Variants in RNF130 observed in about 807,000 individuals in gnomAD.
RNF130 encodes the protein ring finger protein 130.
Under a neutral mutation model 44.6 loss-of-function variants are expected in RNF130, and 21 were observed. That is an observed-to-expected ratio of 0.47 (90% confidence interval 0.33 to 0.68). The LOEUF is 0.68. Among genes scored for constraint, RNF130 ranks in the 30% least tolerant of loss-of-function variants. RNF130 has a pLI of 0.02. For missense variants in RNF130, 479 were observed against 560.6 expected (o/e 0.85, Z 1.47); for synonymous variants, 214 against 210.4 (o/e 1.02, Z -0.15).
At chr5:179,995,528 CCA>C (rs1236659241) in intron 3 of RNF130, among the ~76,000 whole-genome samples, 4 of 152,174 alleles carry the variant, frequency 2.6e-5, no homozygotes, top group Non-Finnish European at 5.9e-5. Context: ...CACAGGATTC[CCA>C]CACAGTTTGC....
chr5:180,060,676 A>T (rs1582230794), intron 1 of RNF130, among the ~76,000 whole-genome samples: 1 of 152,212 alleles, frequency 6.6e-6, no homozygotes, highest in South Asian at 2.1e-4. Context: ...AGTTCTGTGT[A>T]TCTCTACATA....
rs937017881 is a variant in RNF130, at chr5:180,013,260, A to T, written c.494T>A (p.Ile165Asn). ...VMITELRGKD[I>N]LSYLEKNISV... ...GATGTTTTTCTCCAGATAACTCAAA[A>T]TATCCTTACCCCTCAATTCTGTTAT... The change falls in exon 3 of 9, where the codon ATT (isoleucine) becomes AAT (asparagine). Residue 165 changes from isoleucine (I) to asparagine (N), a missense_variant. By Grantham distance (149) the Ile-to-Asn change is moderately radical (BLOSUM62 -3). Coordinates refer to ENST00000521389, the MANE Select transcript of RNF130 (RefSeq NM_018434.6). 4 of 1,614,096 alleles carry T rather than the reference A, an allele frequency of 2.5e-6. No homozygotes were observed.
intron 1 of RNF130, among the ~76,000 whole-genome samples, chr5:180,042,194 C>G (rs938420713): frequency 5.3e-5 from 8 of 152,132 alleles, no homozygotes; most frequent in African/African-American, 1.9e-4. Context: ...GTAAAGATGC[C>G]AGTAACTTCA....
At chr5:179,920,791 A>ATTT (rs1385471717) in intron 7 of RNF130, among the ~76,000 whole-genome samples, 2 of 134,900 alleles carry the variant, frequency 1.5e-5, no homozygotes, top group African/African-American at 7.1e-5. Context: ...ATATATATAT[A>ATTT]TATATTTTTT....
intron 1 of RNF130, among the ~76,000 whole-genome samples, chr5:180,055,248 C>CAAAAAAAAAAAAAAAAAAAAAAAA (rs1205914690): frequency 9.5e-5 from 2 of 20,990 alleles, no homozygotes; most frequent in East Asian, 1.2e-3. Flanking sequence ...GGTTCTGTCT[C>CAAAAAAAAAAAAAAAAAAAAAAAA]AAAAAAAAAA....
At chr5:179,964,460 A>C (rs1460577801) in intron 7 of RNF130, 2 of 152,252 alleles carry the variant, frequency 1.3e-5, no homozygotes, top group South Asian at 2.1e-4. Context: ...TATTTCTTTG[A>C]GTACACACTG....
intron 3 of RNF130, among the ~76,000 whole-genome samples, chr5:179,996,676 T>C (rs1250015161): frequency 3.9e-5 from 6 of 152,258 alleles, no homozygotes; most frequent in African/African-American, 9.6e-5. Flanking sequence ...TTTTTCATCA[T>C]GAATGCTCTT....
intron 3 of RNF130, among the ~76,000 whole-genome samples, chr5:180,002,204 G>A (rs1235469224): frequency 6.6e-6 from 1 of 152,224 alleles, no homozygotes; most frequent in African/African-American, 2.4e-5. Context: ...TGATTGCTCT[G>A]AGTGTTCAAG....
At chr5:179,931,985 G>A (rs1411756396) in intron 7 of RNF130, among the ~76,000 whole-genome samples, 1 of 152,112 alleles carries the variant, frequency 6.6e-6, no homozygotes, top group Non-Finnish European at 1.5e-5. Context: ...CAAGACAATA[G>A]GGGTCTGCTG....
At chr5:179,942,460 A>G (rs1339969021) in intron 7 of RNF130, among the ~76,000 whole-genome samples, 7 of 152,184 alleles carry the variant, frequency 4.6e-5, no homozygotes, top group Admixed American at 2.6e-4. Flanking sequence ...CTATAGTATT[A>G]TATGTTCTTA....
chr5:179,968,338 G>A (rs1200448159), intron 6 of RNF130, among the ~76,000 whole-genome samples: 1 of 150,380 alleles, frequency 6.6e-6, no homozygotes, highest in Non-Finnish European at 1.5e-5. Flanking sequence ...GCGGCTAGCG[G>A]TAACAACAGA....
At chr5:179,913,753 G>T (rs1404887658) in exon 8 of RNF130, 1 of 152,228 alleles carries the variant, frequency 6.6e-6, no homozygotes, top group Non-Finnish European at 1.5e-5. Context: ...GCTACAGGGG[G>T]CCTCCTGACC....
chr5:180,060,542 C>G (rs1466914891), intron 1 of RNF130, among the ~76,000 whole-genome samples: 1 of 152,184 alleles, frequency 6.6e-6, no homozygotes, highest in African/African-American at 2.4e-5. Flanking sequence ...GCCCAGCAGC[C>G]TAGATTTTTA....
chr5:179,934,628 C>T (rs969014628), intron 7 of RNF130, among the ~76,000 whole-genome samples: 3 of 149,628 alleles, frequency 2.0e-5, no homozygotes, highest in South Asian at 2.1e-4. Context: ...TGGCTCACTG[C>T]GAACTTATGG....
intron 7 of RNF130, among the ~76,000 whole-genome samples, chr5:179,934,692 G>A (rs777158893): frequency 3.3e-5 from 5 of 151,664 alleles, no homozygotes; most frequent in East Asian, 3.9e-4. Context: ...ACAGGTGTGC[G>A]CCACCACATC....
intron 7 of RNF130, among the ~76,000 whole-genome samples, chr5:179,930,475 G>A (rs903855058): frequency 3.3e-5 from 5 of 152,082 alleles, no homozygotes; most frequent in South Asian, 2.1e-4. Flanking sequence ...ACATGTAATC[G>A]TTTTCTCTGT....
At chr5:179,992,434 G>A (rs961437435) in intron 3 of RNF130, among the ~76,000 whole-genome samples, 1 of 152,212 alleles carries the variant, frequency 6.6e-6, no homozygotes, top group Non-Finnish European at 1.5e-5. Context: ...GAGCCACCAC[G>A]CCCGGCCCTA....
Position 180,071,448 on chromosome 5 carries a change from G to A in RNF130, c.247+8C>T, listed in dbSNP as rs1765261663. On this transcript the variant is annotated splice_region_variant and intron_variant, in intron 1 of 8. Transcript: ENST00000521389. ...ACCACCGCCCGCCGCCCCCGGGCCGGCACTCACCTCCGTGGAGGGGCAGCG... is the reference window on the plus strand; with the variant it reads ...ACCACCGCCCGCCGCCCCCGGGCCGACACTCACCTCCGTGGAGGGGCAGCG... 8.1e-7 allele frequency: 1 copy of A among 1,238,396 alleles called. No homozygotes were observed. Among genetic ancestry groups the A allele is most frequent in the South Asian group, 3.6e-5 (1 of 27,642 alleles). 76.7% of individuals were successfully genotyped at this position (1,238,396 alleles called of 1,614,324 possible).
intron 2 of RNF130, among the ~76,000 whole-genome samples, chr5:180,038,243 T>C (rs1000508652): frequency 6.8e-6 from 1 of 147,818 alleles, no homozygotes. Flanking sequence ...TTTGTAGAGA[T>C]GGGGTCTCCC....
Sources: gnomAD v4.1 joint callset for allele counts (sites outside exome capture counted in the v4.1 genomes callset) on GRCh38, gnomAD v4.1.1 for gene constraint, MANE v1.5 for transcripts, NCBI Gene and HGNC (gene_info 2026-07-23, HGNC 2026-07-21) for gene names.